Variants in USP6NL observed in about 807,000 individuals in gnomAD.
The protein encoded by USP6NL is USP6 N-terminal like, also known as USP6 N-terminal-like protein.
A neutral mutation model predicts 61.9 loss-of-function variants in USP6NL; 26 were observed. The ratio of observed to expected loss-of-function variants is 0.42; its 90% confidence interval spans 0.31 to 0.58. The LOEUF (loss-of-function observed/expected upper bound fraction) is 0.58. Ranked by LOEUF, USP6NL falls within the 20% of genes least tolerant of loss-of-function variation. The pLI, the probability that USP6NL is intolerant of heterozygous loss-of-function variation, is 0.16. For missense variants in USP6NL, 1,114 were observed against 1,034.3 expected (o/e 1.08, Z -1.06); for synonymous variants, 432 against 390.1 (o/e 1.11, Z -1.27).
At chr10:11,477,163 T>C (rs1257552034) in intron 14 of USP6NL, among the ~76,000 whole-genome samples, 1 of 152,130 alleles carries the variant, frequency 6.6e-6, no homozygotes, top group African/African-American at 2.4e-5. Flanking sequence ...TGAGCCACTG[T>C]ACCCAGCCAA....
rs546586288 is a variant in USP6NL at position 11,528,624 on chromosome 10, C to T, written c.5-1057G>A. On this transcript the variant is annotated intron_variant, in intron 2 of 14. Coordinates refer to ENST00000609104, the MANE Select transcript of USP6NL (RefSeq NM_014688.5). The surrounding 1 kb of genome is among the most constrained non-coding windows in gnomAD (Gnocchi z 4.6). Reference sequence around the variant, plus strand: ...TTTCAAATCCAGACAGTCTTGACTCCACAGCCCACAATTTTAATTACTATT... The same window carrying T: ...TTTCAAATCCAGACAGTCTTGACTCTACAGCCCACAATTTTAATTACTATT... Among the ~76,000 whole-genome samples the T allele has an allele frequency of 1.3e-5, 2 of 152,266 alleles. No individual in the cohort carries two copies. Among genetic ancestry groups the T allele is most frequent in the African/African-American group, 4.8e-5 (2 of 41,548 alleles).
At chr10:11,479,490 T>C (rs1334814469) in intron 14 of USP6NL, among the ~76,000 whole-genome samples, 2 of 151,940 alleles carry the variant, frequency 1.3e-5, no homozygotes, top group Non-Finnish European at 2.9e-5. Context: ...ACAGGCCTCA[T>C]TGCACATGAC....
intron 2 of USP6NL, among the ~76,000 whole-genome samples, chr10:11,576,589 A>C (rs1463487007): frequency 6.6e-6 from 1 of 152,206 alleles, no homozygotes; most frequent in Non-Finnish European, 1.5e-5. Context: ...CAGGCCCCTA[A>C]CAGACATTAA....
At chr10:11,473,898 G>A (rs1443279489) in intron 14 of USP6NL, among the ~76,000 whole-genome samples, 1 of 152,164 alleles carries the variant, frequency 6.6e-6, no homozygotes, top group Non-Finnish European at 1.5e-5. Context: ...AGATCTTCTG[G>A]GTGGAAAGGG....
chr10:11,588,242 A>T (rs1230010281), intron 2 of USP6NL, among the ~76,000 whole-genome samples: 1 of 152,264 alleles, frequency 6.6e-6, no homozygotes, highest in African/African-American at 2.4e-5. Flanking sequence ...TGTGAATAAC[A>T]CTCAGCTGAA....
chr10:11,481,702 A>G lies in USP6NL; in HGVS notation c.1078+68T>C, dbSNP rs1566122714. The G allele has an allele frequency of 1.3e-6, 2 of 1,486,288 alleles. No homozygotes were observed. Among genetic ancestry groups the G allele is most frequent in the South Asian group, 2.9e-5 (2 of 69,036 alleles). The allele number at this position is 1,486,288 out of a possible 1,614,324, so 92.1% of individuals were successfully genotyped here. The stretch of plus-strand genomic sequence containing the variant: ...TTACGCTGTGGGCAAGAAACAGCCC[A>G]TGTTAATTATGCCATGTCTTCCAAT... On this transcript the variant is annotated intron_variant, in intron 14 of 14. Coordinates refer to ENST00000609104, the MANE Select transcript of USP6NL (RefSeq NM_014688.5). This position sits in a 1 kb window ranked among gnomAD's most constrained non-coding sequence, Gnocchi z 4.4.
chr10:11,596,133 C>T lies in USP6NL; in HGVS notation c.4+1498G>A, dbSNP rs1216875993. Among the ~76,000 whole-genome samples, 2 of 152,196 alleles carry T rather than the reference C, an allele frequency of 1.3e-5. No individual in the cohort carries two copies. Among genetic ancestry groups the T allele is most frequent in the Non-Finnish European group, 2.9e-5 (2 of 68,026 alleles). Reference sequence around the variant, plus strand: ...GTCAAAAAAACTTACATCTGCAACACTGATCCTAACAGAACCCAAAAATTG... The same window carrying T: ...GTCAAAAAAACTTACATCTGCAACATTGATCCTAACAGAACCCAAAAATTG... On this transcript the variant is annotated intron_variant, in intron 2 of 14. Coordinates refer to ENST00000609104, the MANE Select transcript of USP6NL (RefSeq NM_014688.5). The surrounding 1 kb of genome is among the most constrained non-coding windows in gnomAD (Gnocchi z 4.1).
intron 2 of USP6NL, among the ~76,000 whole-genome samples, chr10:11,571,629 C>G (rs901505809): frequency 6.6e-6 from 1 of 151,364 alleles, no homozygotes; most frequent in African/African-American, 2.4e-5. Context: ...AAATTCATAT[C>G]ATATTTTAAA....
At chr10:11,581,424 C>T (rs1430263594) in intron 2 of USP6NL, among the ~76,000 whole-genome samples, 2 of 152,202 alleles carry the variant, frequency 1.3e-5, no homozygotes, top group East Asian at 1.9e-4. Context: ...TTTGATCATA[C>T]GAATAACAAC....
chr10:11,586,399 A>T (rs1270055920), intron 2 of USP6NL, among the ~76,000 whole-genome samples: 5 of 151,840 alleles, frequency 3.3e-5, no homozygotes, highest in South Asian at 2.1e-4. Context: ...AATGACCAAA[A>T]AAAAAAAAAA....
In USP6NL at chr10:11,602,871, T is replaced by A. The variant is rs1838588096; in HGVS notation, c.-83-5154A>T. On this transcript the variant is annotated intron_variant, in intron 1 of 14. Coordinates refer to ENST00000609104, the MANE Select transcript of USP6NL (RefSeq NM_014688.5). The surrounding 1 kb of genome is among the most constrained non-coding windows in gnomAD (Gnocchi z 4.8). Reference sequence around the variant, plus strand: ...TCTCATTAGAAATTATTTCAGTTAATATTAAAGTCATTATTCACTAACAGA... The same window carrying A: ...TCTCATTAGAAATTATTTCAGTTAAAATTAAAGTCATTATTCACTAACAGA... 6.6e-6 allele frequency among the ~76,000 whole-genome samples: 1 copy of A among 152,218 alleles called. No individual in the cohort carries two copies. The highest frequency in any genetic ancestry group is 6.5e-5 in the Admixed American group (1 of 15,278).
In USP6NL at chr10:11,575,489, C is replaced by CA. The variant is rs1318315713; in HGVS notation, c.4+22141dup. 6.6e-6 allele frequency among the ~76,000 whole-genome samples: 1 copy of CA among 152,200 alleles called. No homozygotes were observed. Among genetic ancestry groups the CA allele is most frequent in the East Asian group, 1.9e-4 (1 of 5,202 alleles). On this transcript the variant is annotated intron_variant, in intron 2 of 14. Transcript: ENST00000609104. This position sits in a 1 kb window ranked among gnomAD's most constrained non-coding sequence, Gnocchi z 4.2. ...CTCTTTCTGCAAGGAAGGAGATAAG[C>CA]AGGACATTAACCTCTCAGTCAACTA...
At chr10:11,563,533 A>C (rs1404421370) in intron 2 of USP6NL, 4 of 152,164 alleles carry the variant, frequency 2.6e-5, no homozygotes, top group Admixed American at 6.5e-5. Context: ...ATTTAACTAA[A>C]GTTACATAAA....
chr10:11,577,528 T>TCTC (rs1837595943), intron 2 of USP6NL, among the ~76,000 whole-genome samples: 1 of 152,040 alleles, frequency 6.6e-6, no homozygotes, highest in East Asian at 1.9e-4. Context: ...GAGGACAGAG[T>TCTC]CTCGCTCTGT....
rs1260718206 is a variant in USP6NL at position 11,482,996 on chromosome 10, T to C, written c.926-1074A>G. Among the ~76,000 whole-genome samples, 1 of 152,208 alleles carries C rather than the reference T, an allele frequency of 6.6e-6. No homozygotes were observed. The highest frequency in any genetic ancestry group is 1.5e-5 in the Non-Finnish European group (1 of 68,040). ...TACTTATCTGTCCATAGTGAGAACA[T>C]TTAAGATGTACTCTCAGCAATTTTC... On this transcript the variant is annotated intron_variant, in intron 13 of 14. Transcript: ENST00000609104. This position sits in a 1 kb window ranked among gnomAD's most constrained non-coding sequence, Gnocchi z 4.0.
chr10:11,474,148 G>T lies in USP6NL; in HGVS notation c.1078+7622C>A, dbSNP rs1410908185. ...CAGAACTAAATGGCAAAGTTTAAGAGAATCAAAGGTGATTAATTCTGTAGT... is the reference window on the plus strand; with the variant it reads ...CAGAACTAAATGGCAAAGTTTAAGATAATCAAAGGTGATTAATTCTGTAGT... On this transcript the variant is annotated intron_variant, in intron 14 of 14. Coordinates refer to ENST00000609104, the MANE Select transcript of USP6NL (RefSeq NM_014688.5). This position sits in a 1 kb window ranked among gnomAD's most constrained non-coding sequence, Gnocchi z 4.9. Among the ~76,000 whole-genome samples, 1 of 152,176 alleles carries T rather than the reference G, an allele frequency of 6.6e-6. No homozygotes were observed. The highest frequency in any genetic ancestry group is 2.4e-5 in the African/African-American group (1 of 41,430).
chr10:11,507,732 C>T (rs1834518498), intron 6 of USP6NL, among the ~76,000 whole-genome samples: 1 of 151,998 alleles, frequency 6.6e-6, no homozygotes, highest in South Asian at 2.1e-4. Context: ...CCAGAGAGCC[C>T]TTTCCTCATT....
At chr10:11,480,315 G>A (rs899645607) in intron 14 of USP6NL, among the ~76,000 whole-genome samples, 1 of 152,102 alleles carries the variant, frequency 6.6e-6, no homozygotes, top group African/African-American at 2.4e-5. Flanking sequence ...CACCACCATC[G>A]CAATCCATGA....
At chr10:11,543,505 G>A (rs201431327) in intron 2 of USP6NL, among the ~76,000 whole-genome samples, 1 of 151,644 alleles carries the variant, frequency 6.6e-6, no homozygotes, top group Non-Finnish European at 1.5e-5. Flanking sequence ...TCACGCCACT[G>A]CACTCCAGCC....
Sources: allele counts gnomAD v4.1 joint callset (sites outside exome capture counted in the v4.1 genomes callset), GRCh38; gene constraint gnomAD v4.1.1; non-coding constraint Gnocchi (gnomAD v3.1); transcripts MANE v1.5; gene names NCBI Gene and HGNC (gene_info 2026-07-23, HGNC 2026-07-21).